The following CUBN variants were observed in gnomAD, a reference collection of about 807,000 sequenced individuals.
CUBN encodes the protein cubilin, also known as 460 kDa receptor.
CUBN carries 282 observed loss-of-function variants against 405.3 expected under a neutral mutation model. The observed-to-expected ratio is 0.70, with a 90% CI of 0.63 to 0.77. The LOEUF is 0.77. Among genes scored for constraint, CUBN ranks in the 30% least tolerant of loss-of-function variants. The pLI is 0.00. For synonymous variants in CUBN, 1,684 were observed against 1,617.0 expected (o/e 1.04, Z -0.99); for missense variants, 4,514 against 4,475.2 (o/e 1.01, Z -0.25).
At chr10:16,871,817 G>A (rs1588607541) in intron 58 of CUBN, among the ~76,000 whole-genome samples, 1 of 152,190 alleles carries the variant, frequency 6.6e-6, no homozygotes, top group Non-Finnish European at 1.5e-5. Flanking sequence ...AAAAGCTTGT[G>A]TAACCACAAT....
intron 47 of CUBN, among the ~76,000 whole-genome samples, chr10:16,914,537 C>T (rs1037736000): frequency 6.6e-6 from 1 of 150,672 alleles, no homozygotes; most frequent in Non-Finnish European, 1.5e-5. Flanking sequence ...CCAGCCTGGA[C>T]AACAGAGCGA....
chr10:17,036,171 G>A (rs532367953), intron 27 of CUBN, among the ~76,000 whole-genome samples: 59 of 152,282 alleles, frequency 3.9e-4, no homozygotes, highest in African/African-American at 1.2e-3. Flanking sequence ...CTAGACCCAT[G>A]CATTTGCTGT....
chr10:17,125,805 G>C (rs984222448), intron 4 of CUBN, among the ~76,000 whole-genome samples: 1 of 152,190 alleles, frequency 6.6e-6, no homozygotes, highest in African/African-American at 2.4e-5. Flanking sequence ...GACAAAACTT[G>C]AGTGCAGTGT....
chr10:16,840,133 T>C (rs1409804186), intron 62 of CUBN, among the ~76,000 whole-genome samples, 197 bp downstream of exon 62: 2 of 150,554 alleles, frequency 1.3e-5, no homozygotes, highest in Non-Finnish European at 3.0e-5. Flanking sequence ...AAATGACGAG[T>C]TAATGGGTGC....
chr10:16,912,734 AAAG>A lies in CUBN; in HGVS notation c.7533+1074_7533+1076del, dbSNP rs1260492735. On this transcript the variant is annotated intron_variant, in intron 48 of 66. Coordinates refer to ENST00000377833, the MANE Select transcript of CUBN (RefSeq NM_001081.4). ...GCCAGGTGGCTGGATCCCAGAGAGCAAAGAAGAGAGGAGTTTGAGATAAGACAA... is the reference window on the plus strand; with the variant it reads ...GCCAGGTGGCTGGATCCCAGAGAGCAAAGAGAGGAGTTTGAGATAAGACAA... 4.6e-5 allele frequency among the ~76,000 whole-genome samples: 7 copies of A among 152,314 alleles called. No individual in the cohort carries two copies. The East Asian group carries it at 9.6e-4, about 21-fold the overall frequency.
intron 27 of CUBN, among the ~76,000 whole-genome samples, chr10:17,022,035 C>T (rs1210889588): frequency 5.9e-5 from 9 of 152,144 alleles, no homozygotes; most frequent in Admixed American, 5.9e-4. Context: ...CCAATCTGCA[C>T]GATTATTTGC....
chr10:17,099,925 T>C, intron 14 of CUBN, 80 bp downstream of exon 14: 1 of 825,510 alleles, frequency 1.2e-6, no homozygotes, highest in Non-Finnish European at 2.1e-6. Flanking sequence ...ACATCTCATG[T>C]ATCCAAAAGT....
chr10:17,128,046 A>T (rs1837241110), intron 2 of CUBN, 122 bp from the exon 3 acceptor site: 2 of 681,790 alleles, frequency 2.9e-6, no homozygotes, highest in Non-Finnish European at 4.9e-6. Flanking sequence ...CTTGCCTATT[A>T]TTATAAAAAC....
In CUBN at chr10:17,046,997, T is replaced by C. The variant is rs190172734; in HGVS notation, c.3329+417A>G. On this transcript the variant is annotated intron_variant, in intron 23 of 66. Coordinates refer to ENST00000377833, the MANE Select transcript of CUBN (RefSeq NM_001081.4). The stretch of plus-strand genomic sequence containing the variant: ...TTTTATTACCTGAACATGAAAACTT[T>C]GTGAAAACTTTAAGATTGCTATCCT... Among the ~76,000 whole-genome samples the C allele has an allele frequency of 2.5e-3, 382 of 152,336 alleles. 7 individuals are homozygous for C. Among genetic ancestry groups the C allele is most frequent in the Non-Finnish European group, 6.5e-4 (44 of 68,014 alleles).
chr10:17,128,238 T>C (rs1220461442), intron 2 of CUBN, among the ~76,000 whole-genome samples: 1 of 152,214 alleles, frequency 6.6e-6, no homozygotes, highest in Non-Finnish European at 1.5e-5. Flanking sequence ...AAGTCCTGGC[T>C]CAGCTATTTA....
Position 16,840,468 on chromosome 10 carries a change from G to A in CUBN, c.9894C>T (p.Asp3298=), listed in dbSNP as rs1237654238. Residue 3298 remains aspartate (D), a synonymous_variant, in exon 62 of 67, where the codon GAC becomes GAT. Coordinates refer to ENST00000377833, the MANE Select transcript of CUBN (RefSeq NM_001081.4). ...TACAGATGGAAAATGGGACATCTGG[G>A]TCTGATGAATTGGGTGATGAAATAT... The part of the protein sequence containing the change: ...PQNISSPNSS[D]PDVPFSICTW... 6 of 1,613,806 alleles carry A rather than the reference G, an allele frequency of 3.7e-6. No homozygotes were observed. The highest frequency in any genetic ancestry group is 1.7e-5 in the Admixed American group (1 of 60,002).
chr10:16,866,238 G>T (rs1037428486), intron 59 of CUBN, among the ~76,000 whole-genome samples: 6 of 152,142 alleles, frequency 3.9e-5, no homozygotes, highest in African/African-American at 1.4e-4. Flanking sequence ...TTTACTGAAA[G>T]CCCCTGATCT....
chr10:17,081,369 C>T (rs150404504), intron 17 of CUBN, among the ~76,000 whole-genome samples: 1 of 152,164 alleles, frequency 6.6e-6, no homozygotes, highest in African/African-American at 2.4e-5. Flanking sequence ...CTTTTCTCTT[C>T]TCCACTCTTT....
At chr10:16,825,683 T>C (rs1327037399) in intron 66 of CUBN, among the ~76,000 whole-genome samples, 13 of 134,230 alleles carry the variant, frequency 9.7e-5, no homozygotes, top group Admixed American at 4.5e-4. Flanking sequence ...GTTGGGGGGA[T>C]ACATGGGTCC....
At position 16,896,748 on chromosome 10, in the gene CUBN, G is replaced by T. The variant is rs1588628733; in HGVS notation, c.8598+2248C>A. ...GTTTACAGCCACTAGTTCTTTGATT[G>T]TTCTTTCAGCTGCACTCTCTCCTCT... is the stretch of plus-strand genomic sequence containing the variant. On this transcript the variant is annotated intron_variant, in intron 54 of 66. Coordinates refer to ENST00000377833, the MANE Select transcript of CUBN (RefSeq NM_001081.4). Among the ~76,000 whole-genome samples the T allele has an allele frequency of 3.9e-5, 6 of 152,222 alleles. No homozygotes were observed. In the South Asian group the frequency reaches 1.2e-3, roughly 32 times the overall value.
At chr10:17,047,863 G>A (rs1356068411) in intron 22 of CUBN, among the ~76,000 whole-genome samples, 1 of 152,016 alleles carries the variant, frequency 6.6e-6, no homozygotes, top group Non-Finnish European at 1.5e-5. Context: ...TCTTGAAAGT[G>A]TTACGTTTTT....
chr10:16,834,162 G>A (rs564938228), intron 64 of CUBN, among the ~76,000 whole-genome samples: 4 of 152,208 alleles, frequency 2.6e-5, no homozygotes, highest in African/African-American at 7.2e-5. Flanking sequence ...AAACACAGGG[G>A]CTGAGTTCCA....
chr10:16,956,436 C>T (rs917644832), intron 31 of CUBN, among the ~76,000 whole-genome samples: 1 of 151,512 alleles, frequency 6.6e-6, no homozygotes, highest in Non-Finnish European at 1.5e-5. Context: ...ATTATAATTT[C>T]CAATCTAGTA....
At chr10:17,099,597 C>T (rs1376832759) in intron 14 of CUBN, among the ~76,000 whole-genome samples, 2 of 152,026 alleles carry the variant, frequency 1.3e-5, no homozygotes, top group Non-Finnish European at 2.9e-5. Context: ...GCCTGTAATC[C>T]CAGCACTTTG....
Sources: allele counts gnomAD v4.1 joint callset (sites outside exome capture counted in the v4.1 genomes callset), GRCh38; gene constraint gnomAD v4.1.1; transcripts MANE v1.5; gene names NCBI Gene and HGNC (gene_info 2026-07-23, HGNC 2026-07-21).